Variants in SBF2 observed in about 807,000 individuals in gnomAD.
The protein encoded by SBF2 is myotubularin-related protein 13.
In SBF2, 112 loss-of-function variants were observed where a neutral mutation model predicts 225.2. The observed-to-expected ratio is 0.50, with a 90% CI of 0.43 to 0.58. SBF2 has a LOEUF of 0.58. Among genes scored for constraint, SBF2 ranks in the 20% least tolerant of loss-of-function variants. The pLI is 0.00. For synonymous variants in SBF2, 763 were observed against 773.3 expected, an observed-to-expected ratio of 0.99 and a Z score of 0.22; for missense variants, 1,996 against 2,206.2, an observed-to-expected ratio of 0.90 and a Z score of 1.91.
chr11:10,103,203 G>A (rs1192761955), intron 2 of SBF2, among the ~76,000 whole-genome samples: 1 of 152,106 alleles, frequency 6.6e-6, no homozygotes, highest in Non-Finnish European at 1.5e-5. Flanking sequence ...TCTATTTTGT[G>A]ATATCCAGTG....
chr11:10,282,088 T>A (rs1028328300), intron 1 of SBF2, among the ~76,000 whole-genome samples: 2 of 152,228 alleles, frequency 1.3e-5, no homozygotes, highest in Non-Finnish European at 2.9e-5. Flanking sequence ...TCGAAAGTTA[T>A]CCTAATTATT....
rs555827853 is a variant in SBF2 at position 9,959,190 on chromosome 11, G to A, written c.1860+2767C>T. 2.8e-5 allele frequency: 22 copies of A among 796,758 alleles called. 1 individual carries two copies. Among genetic ancestry groups the A allele is most frequent in the East Asian group, 2.4e-4 (10 of 41,180 alleles). The allele number at this position is 796,758 out of a possible 1,614,324, so 49.4% of individuals were successfully genotyped here. On this transcript the variant is annotated intron_variant, in intron 16 of 39. Coordinates refer to ENST00000256190, the MANE Select transcript of SBF2 (RefSeq NM_030962.4). Reference sequence around the variant, plus strand: ...CCATGCTGATTCCTTCACAGGGTCCGATTTGGAATTTCCACTGGGCAGGCA... The same window carrying A: ...CCATGCTGATTCCTTCACAGGGTCCAATTTGGAATTTCCACTGGGCAGGCA...
chr11:10,189,803 A>AT (rs1388634605), intron 2 of SBF2, among the ~76,000 whole-genome samples: 1 of 152,168 alleles, frequency 6.6e-6, no homozygotes, highest in Non-Finnish European at 1.5e-5. Flanking sequence ...ATTGTGGCAT[A>AT]TTTTCTGAAT....
At chr11:10,273,389 T>G (rs1962697421) in intron 1 of SBF2, among the ~76,000 whole-genome samples, 2 of 152,196 alleles carry the variant, frequency 1.3e-5, no homozygotes, top group African/African-American at 2.4e-5. Context: ...TAATAAAAAT[T>G]GTATCATTAT....
At chr11:9,883,870 G>T (rs1465729672) in intron 17 of SBF2, among the ~76,000 whole-genome samples, 1 of 152,042 alleles carries the variant, frequency 6.6e-6, no homozygotes, top group African/African-American at 2.4e-5. Flanking sequence ...TTTTTTGGAG[G>T]CTAGAATCTC....
chr11:10,219,350 T>C (rs1407612550), intron 1 of SBF2, among the ~76,000 whole-genome samples: 3 of 152,288 alleles, frequency 2.0e-5, no homozygotes, highest in South Asian at 2.1e-4. Context: ...CTGGAGTGGC[T>C]GGACGCAGGG....
At chr11:10,072,855 G>C (rs1950945224) in intron 2 of SBF2, among the ~76,000 whole-genome samples, 1 of 151,122 alleles carries the variant, frequency 6.6e-6, no homozygotes, top group Non-Finnish European at 1.5e-5. Flanking sequence ...CTGTCAAGTA[G>C]CTAGGACTAC....
At chr11:10,204,232 A>T (rs1957667484) in intron 1 of SBF2, among the ~76,000 whole-genome samples, 1 of 146,342 alleles carries the variant, frequency 6.8e-6, no homozygotes, top group African/African-American at 2.5e-5. Flanking sequence ...TCTTTAAAAT[A>T]CTGAAAGCAA....
At chr11:10,017,261 G>A (rs147640496) in intron 6 of SBF2, among the ~76,000 whole-genome samples, 6 of 152,284 alleles carry the variant, frequency 3.9e-5, no homozygotes, top group African/African-American at 1.4e-4. Context: ...TACACAAATA[G>A]AAGACTATGT....
chr11:10,104,253 A>G (rs960755983), intron 2 of SBF2, among the ~76,000 whole-genome samples: 3 of 152,220 alleles, frequency 2.0e-5, no homozygotes, highest in African/African-American at 7.2e-5. Context: ...AACACGATCT[A>G]TCCTGGAAAA....
In SBF2 at chr11:9,847,073, C is replaced by G. The variant is rs1856602766; in HGVS notation, c.2817G>C (p.Gln939His). The change falls in exon 23 of 40, where the codon CAG (glutamine) becomes CAC (histidine). Residue 939 changes from glutamine to histidine, a missense_variant. Coordinates refer to ENST00000256190, the MANE Select transcript of SBF2 (RefSeq NM_030962.4). ...GTPHDQLVGE[Q>H]TVVRSFPIAS... is the part of the protein sequence containing the mutation. ...CAATGGGAAAGCTCCGCACAACTGT[C>G]TGCTCACCCACTGTAAATAGACAGG... 6.2e-7 allele frequency: 1 copy of G among 1,613,682 alleles called. No homozygotes were observed. The highest frequency in any genetic ancestry group is 1.3e-5 in the African/African-American group (1 of 74,918).
At chr11:10,193,226 C>T (rs1283471168) in intron 2 of SBF2, among the ~76,000 whole-genome samples, 3 of 149,376 alleles carry the variant, frequency 2.0e-5, no homozygotes, top group Non-Finnish European at 3.0e-5. Context: ...AAGACAATAA[C>T]CTGGACATTT....
chr11:10,257,805 T>C (rs1357701062), intron 1 of SBF2, among the ~76,000 whole-genome samples: 1 of 151,664 alleles, frequency 6.6e-6, no homozygotes, highest in Non-Finnish European at 1.5e-5. Flanking sequence ...GAGACCAACC[T>C]GGGCAACATG....
At chr11:10,183,656 G>C (rs1283934828) in intron 2 of SBF2, among the ~76,000 whole-genome samples, 1 of 152,064 alleles carries the variant, frequency 6.6e-6, no homozygotes, top group Non-Finnish European at 1.5e-5. Context: ...GCACCATTTG[G>C]GCTTATCACT....
intron 13 of SBF2, among the ~76,000 whole-genome samples, chr11:9,977,644 T>C (rs1946763066): frequency 2.6e-5 from 4 of 152,206 alleles, no homozygotes. Context: ...GTGTTGCCGA[T>C]AATCTCTGTT....
intron 1 of SBF2, among the ~76,000 whole-genome samples, chr11:10,232,327 C>A (rs1958891870): frequency 6.6e-6 from 1 of 152,212 alleles, no homozygotes; most frequent in Non-Finnish European, 1.5e-5. Context: ...CACCCACTGT[C>A]CGGCACTCCC....
chr11:9,963,675 A>C, intron 15 of SBF2, 98 bp downstream of exon 15: 2 of 679,604 alleles, frequency 2.9e-6, no homozygotes, highest in South Asian at 3.3e-5. Context: ...TATTAGGAAA[A>C]GGGATAGAAT....
At chr11:9,871,560 CG>C (rs1455065657) in intron 17 of SBF2, among the ~76,000 whole-genome samples, 1 of 150,972 alleles carries the variant, frequency 6.6e-6, no homozygotes, top group Non-Finnish European at 1.5e-5. Flanking sequence ...GGCGCGATCT[CG>C]GATCACTGCA....
At chr11:9,844,302 A>C (rs545351662) in intron 24 of SBF2, among the ~76,000 whole-genome samples, 1 of 152,200 alleles carries the variant, frequency 6.6e-6, no homozygotes, top group East Asian at 1.9e-4. Context: ...GGAACCTCAA[A>C]TTTTCTATAA....
Sources: allele counts gnomAD v4.1 joint callset (sites outside exome capture counted in the v4.1 genomes callset), GRCh38; gene constraint gnomAD v4.1.1; transcripts MANE v1.5; gene names NCBI Gene and HGNC (gene_info 2026-07-23, HGNC 2026-07-21).